Variants in ZC3HC1 observed in about 807,000 individuals in gnomAD.
ZC3HC1 encodes the protein zinc finger C3HC-type containing 1.
In ZC3HC1, 38 loss-of-function variants were observed where a neutral mutation model predicts 61.9. That is an observed-to-expected ratio of 0.61 (90% CI 0.47 to 0.81). The LOEUF is 0.81. Ranked by LOEUF, ZC3HC1 falls within the 30% of genes least tolerant of loss-of-function variation. The pLI is 0.00. For synonymous variants in ZC3HC1, 213 were observed against 229.9 expected (o/e 0.93, Z 0.67); for missense variants, 554 against 622.7 (o/e 0.89, Z 1.17).
At chr7:130,020,572 CT>C (rs551286560) in intron 9 of ZC3HC1, among the ~76,000 whole-genome samples, 36 of 149,568 alleles carry the variant, frequency 2.4e-4, no homozygotes, top group African/African-American at 8.1e-4. Context: ...TCGGTATATA[CT>C]TTTTTTTTTC....
Position 130,018,605 on chromosome 7 carries a change from T to C in ZC3HC1, c.*59A>G. On this transcript the variant is annotated 3_prime_UTR_variant, in exon 10 of 10. Coordinates refer to ENST00000358303, the MANE Select transcript of ZC3HC1 (RefSeq NM_016478.5). ...TCAGCTGACCGAAAGGAACTCAGCC[T>C]TAATTTTTCAAAAAGTCACTCTCAT... 6.7e-7 allele frequency: 1 copy of C among 1,499,006 alleles called. No individual in the cohort carries two copies. Among genetic ancestry groups the C allele is most frequent in the Non-Finnish European group, 9.2e-7 (1 of 1,086,004 alleles). The allele number at this position is 1,499,006 out of a possible 1,614,324, so 92.9% of individuals were successfully genotyped here. A position where few individuals can be genotyped will look rare whatever the true frequency, so the allele number is the denominator to read the frequency against.
intron 4 of ZC3HC1, among the ~76,000 whole-genome samples, chr7:130,035,773 C>T (rs1009711083): frequency 5.3e-5 from 8 of 152,166 alleles, no homozygotes; most frequent in African/African-American, 1.7e-4. Context: ...TGAGCCATCA[C>T]GCCTCGCCAC....
intron 2 of ZC3HC1, among the ~76,000 whole-genome samples, chr7:130,041,523 T>A (rs1172682656): frequency 9.9e-6 from 1 of 101,098 alleles, no homozygotes; most frequent in Non-Finnish European, 2.2e-5. Context: ...CTTAACTCAT[T>A]CTTTTTTTTT....
rs767714566 is a variant in ZC3HC1, at chr7:130,018,655, G to A, written c.*9C>T. 6 of 1,605,206 alleles carry A rather than the reference G, an allele frequency of 3.7e-6. No individual in the cohort carries two copies. Among genetic ancestry groups the A allele is most frequent in the Admixed American group, 1.7e-5 (1 of 59,700 alleles). On this transcript the variant is annotated 3_prime_UTR_variant, in exon 10 of 10. Coordinates refer to ENST00000358303, the MANE Select transcript of ZC3HC1 (RefSeq NM_016478.5). ...TTCCAGCTATCTCCAGGAAGGCGCT[G>A]GAGTATCTTCAGCATGAGCACAGAG...
intron 2 of ZC3HC1, among the ~76,000 whole-genome samples, chr7:130,043,192 G>A (rs1880622): frequency 0.7 from 105,544 of 151,758 alleles, 37,306 homozygotes; most frequent in East Asian, 0.99. Flanking sequence ...CAGGAGACTC[G>A]CTTGAACTTG....
At chr7:130,032,175 G>C (rs1794227770) in intron 4 of ZC3HC1, among the ~76,000 whole-genome samples, 2 of 149,954 alleles carry the variant, frequency 1.3e-5, no homozygotes, top group Admixed American at 6.7e-5. Flanking sequence ...AGTGAGCCGA[G>C]ACCACGCCAT....
intron 4 of ZC3HC1, among the ~76,000 whole-genome samples, chr7:130,038,793 G>C (rs1246489453): frequency 6.7e-6 from 1 of 148,648 alleles, no homozygotes; most frequent in East Asian, 2.0e-4. Flanking sequence ...CTCGGAGGTG[G>C]AGGCTGCAGT....
intron 4 of ZC3HC1, among the ~76,000 whole-genome samples, chr7:130,031,934 T>C (rs1794213341): frequency 6.6e-6 from 1 of 152,120 alleles, no homozygotes; most frequent in Non-Finnish European, 1.5e-5. Flanking sequence ...CCTGTGAAAG[T>C]TGATTTTGAG....
intron 4 of ZC3HC1, among the ~76,000 whole-genome samples, chr7:130,034,757 C>G (rs979286998): frequency 1.3e-5 from 2 of 152,084 alleles, no homozygotes; most frequent in Non-Finnish European, 2.9e-5. Flanking sequence ...CTGCAAAACA[C>G]TGGGATTACA....
rs1322286387 is a variant in ZC3HC1, at chr7:130,049,029, A to G, written c.258+4T>C. 1.9e-6 allele frequency: 3 copies of G among 1,594,226 alleles called. No homozygotes were observed. The African/African-American group carries it at 4.0e-5, about 21-fold the overall frequency. On this transcript the variant is annotated splice_donor_region_variant and intron_variant, in intron 2 of 9. Transcript: ENST00000358303. ...TGCAATTCACATGAACTAAAAAAGG[A>G]TATAGAAAATGTTTCCACTCTGCTA...
intron 4 of ZC3HC1, 109 bp downstream of exon 4, chr7:130,039,355 A>C: frequency 1.1e-6 from 1 of 948,230 alleles, no homozygotes; most frequent in South Asian, 1.7e-5. Flanking sequence ...AAAAAAAAAA[A>C]AGAAAAGGAG....
rs1311833651 is a variant in ZC3HC1, at chr7:130,042,936, C to A, written c.259-1835G>T. Among the ~76,000 whole-genome samples, 3 of 152,166 alleles carry A rather than the reference C, an allele frequency of 2.0e-5. No homozygotes were observed. The South Asian group carries it at 6.2e-4, about 32-fold the overall frequency. On this transcript the variant is annotated intron_variant, in intron 2 of 9. Transcript: ENST00000358303. The stretch of plus-strand genomic sequence containing the variant: ...GACCTTGAACGCCTGAGGCCCTCCT[C>A]GGCCTTCCATGGTGCTGGGATTACA...
At chr7:130,046,380 G>A (rs1290589655) in intron 2 of ZC3HC1, among the ~76,000 whole-genome samples, 1 of 152,158 alleles carries the variant, frequency 6.6e-6, no homozygotes, top group East Asian at 1.9e-4. Context: ...GCCAAGGCAG[G>A]AGGATTGCCT....
intron 2 of ZC3HC1, among the ~76,000 whole-genome samples, chr7:130,041,951 G>C (rs996227120): frequency 3.9e-5 from 6 of 152,298 alleles, no homozygotes; most frequent in African/African-American, 9.6e-5. Context: ...TAAGTAATAA[G>C]TGGAGGGGAA....
rs1027391195 is a variant in ZC3HC1 at position 130,023,620 on chromosome 7, G to A, written c.1124C>T (p.Thr375Ile). The A allele has an allele frequency of 1.9e-6, 3 of 1,614,060 alleles. No homozygotes were observed. The highest frequency in any genetic ancestry group is 2.7e-5 in the African/African-American group (2 of 74,912). Residue 375 changes from threonine to isoleucine, a missense_variant, in exon 8 of 10, where the codon ACT (threonine) becomes ATT (isoleucine). Transcript: ENST00000358303. This position sits in a 1 kb window ranked among gnomAD's most constrained non-coding sequence, Gnocchi z 4.2. ...EPEAASPTTRTRPVTRSMGTG... is the reference protein window; with the variant it reads ...EPEAASPTTRIRPVTRSMGTG... ...TCCCATGCTTCGGGTCACTGGGCGAGTTCTGGTGGTGGGGCTAGCAGCCTC... is the reference window on the plus strand; with the variant it reads ...TCCCATGCTTCGGGTCACTGGGCGAATTCTGGTGGTGGGGCTAGCAGCCTC...
chr7:130,038,261 G>GC (rs1234654706), intron 4 of ZC3HC1, among the ~76,000 whole-genome samples: 12 of 152,202 alleles, frequency 7.9e-5, no homozygotes, highest in African/African-American at 2.4e-4. Context: ...TCCCAGACAG[G>GC]CAGCCTGTGG....
chr7:130,039,351 A>G, intron 4 of ZC3HC1, 113 bp downstream of exon 4: 1 of 935,640 alleles, frequency 1.1e-6, no homozygotes, highest in Non-Finnish European at 1.6e-6. Flanking sequence ...TCTCAAAAAA[A>G]AAAAAGAAAA....
intron 4 of ZC3HC1, among the ~76,000 whole-genome samples, chr7:130,031,735 A>G (rs1263614628): frequency 6.6e-6 from 1 of 152,138 alleles, no homozygotes; most frequent in African/African-American, 2.4e-5. Flanking sequence ...AAGACCTGAA[A>G]AGGCCCTAAG....
Position 130,024,288 on chromosome 7 carries a change from G to A in ZC3HC1, c.995C>T (p.Ala332Val). The A allele has an allele frequency of 6.2e-7, 1 of 1,611,604 alleles. No individual in the cohort carries two copies. The highest frequency in any genetic ancestry group is 8.5e-7 in the Non-Finnish European group (1 of 1,178,388). ...PRRMMTRSQD[A>V]TFSPGSEQAE... ...CTGCTCTGAGCCTGGGGAGAAAGTG[G>A]CATCCTGGCTCCGGGTCATCATCCT... The change falls in exon 7 of 10, where the codon GCC becomes GTC. Residue 332 changes from alanine to valine, a missense_variant. Coordinates refer to ENST00000358303, the MANE Select transcript of ZC3HC1 (RefSeq NM_016478.5).
Sources: allele counts gnomAD v4.1 joint callset (sites outside exome capture counted in the v4.1 genomes callset), GRCh38; gene constraint gnomAD v4.1.1; non-coding constraint Gnocchi (gnomAD v3.1); transcripts MANE v1.5; gene names NCBI Gene and HGNC (gene_info 2026-07-23, HGNC 2026-07-21).